CEP192: variants seen among roughly 807,000 people sequenced by gnomAD.
CEP192 encodes the protein centrosomal protein of 192 kDa.
Under a neutral mutation model 271.8 loss-of-function variants are expected in CEP192, and 151 were observed. That is an observed-to-expected ratio of 0.56 (90% CI 0.49 to 0.64). The LOEUF (loss-of-function observed/expected upper bound fraction) is 0.64, where lower values mean the gene tolerates loss of function less well. Ranked by LOEUF, CEP192 falls within the 30% of genes least tolerant of loss-of-function variation. CEP192 has a pLI of 0.00. For missense variants in CEP192, 2,910 were observed against 3,020.5 expected (o/e 0.96, Z 0.86); for synonymous variants, 995 against 1,076.5 (o/e 0.92, Z 1.48).
intron 32 of CEP192, among the ~76,000 whole-genome samples, chr18:13,087,940 C>T (rs371726140): frequency 3.9e-5 from 6 of 152,088 alleles, no homozygotes; most frequent in African/African-American, 1.4e-4. Flanking sequence ...GGACCATTTC[C>T]GTAATGTACT....
In CEP192 at chr18:13,099,509, C is replaced by G; in HGVS notation, c.6591C>G (p.Ser2197=). Residue 2197 remains serine (S), a synonymous_variant, in exon 37 of 45, where the codon TCC becomes TCG. Transcript: ENST00000506447. ...SKLQILVSPN[S]SLSTKQSMFP... ...TACAAATTCTTGTGAGTCCTAATTC[C>G]TCCTTATCCACAAAACAGTCAATGT... 6.3e-7 allele frequency: 1 copy of G among 1,599,320 alleles called. No individual in the cohort carries two copies. Among genetic ancestry groups the G allele is most frequent in the Middle Eastern group, 1.7e-4 (1 of 6,008 alleles).
intron 11 of CEP192, among the ~76,000 whole-genome samples, chr18:13,036,525 A>G (rs1279216059): frequency 1.3e-5 from 2 of 152,262 alleles, no homozygotes; most frequent in Non-Finnish European, 2.9e-5. Flanking sequence ...TCTGGCTGGC[A>G]TACATTTCAC....
Position 13,089,485 on chromosome 18 carries a change from A to G in CEP192, c.6023A>G (p.Lys2008Arg). The change falls in exon 33 of 45, where the codon AAA (lysine) becomes AGA (arginine). Residue 2008 changes from lysine (K) to arginine (R), a missense_variant. Physicochemically the swap from Lys to Arg is conservative, Grantham distance 26 (BLOSUM62 2). Transcript: ENST00000506447. ...CTGTTACATAAACCAGAGATGATAA[A>G]ACAGATACTTCCAGAACATAGTGTG... ...RALLHKPEMI[K>R]QILPEHSVLQ... is the part of the protein sequence containing the mutation. 1 of 1,604,612 alleles carries G rather than the reference A, an allele frequency of 6.2e-7. No homozygotes were observed. The highest frequency in any genetic ancestry group is 8.5e-7 in the Non-Finnish European group (1 of 1,174,774).
chr18:12,996,216 G>A (rs1452415418), intron 1 of CEP192, among the ~76,000 whole-genome samples: 1 of 145,902 alleles, frequency 6.9e-6, no homozygotes, highest in Non-Finnish European at 1.5e-5. Context: ...AGGGTTGGGG[G>A]GTAGGTTGGG....
intron 42 of CEP192, among the ~76,000 whole-genome samples, chr18:13,115,548 A>G (rs2040391032): frequency 6.6e-6 from 1 of 152,046 alleles, no homozygotes; most frequent in Non-Finnish European, 1.5e-5. Context: ...TAGCTGTGGT[A>G]TGACTGATAA....
chr18:13,012,867 T>TA, intron 4 of CEP192, 106 bp from the exon 5 acceptor site: 1 of 633,914 alleles, frequency 1.6e-6, no homozygotes, highest in Admixed American at 3.1e-5. Context: ...AAAGTGCTTT[T>TA]ATTCTATTTC....
Position 13,001,496 on chromosome 18 carries a change from A to G in CEP192, c.204A>G (p.Arg68=). Residue 68 remains arginine (R), a synonymous_variant, in exon 3 of 45, where the codon AGA becomes AGG. Coordinates refer to ENST00000506447, the MANE Select transcript of CEP192 (RefSeq NM_032142.4). ...DIQASYLVEG[R]FSVPSGSSPG... is the part of the protein sequence containing the mutation. ...AGGCATCTTACTTAGTAGAAGGGAG[A>G]TTTTCAGTTCCATCCGGGTCATCTC... is the stretch of plus-strand genomic sequence containing the variant. 6.5e-7 allele frequency: 1 copy of G among 1,550,386 alleles called. No homozygotes were observed. The highest frequency in any genetic ancestry group is 8.7e-7 in the Non-Finnish European group (1 of 1,146,164).
chr18:13,005,039 G>T (rs1267576622), intron 3 of CEP192, among the ~76,000 whole-genome samples: 1 of 152,162 alleles, frequency 6.6e-6, no homozygotes, highest in African/African-American at 2.4e-5. Context: ...CTAGAGGCAA[G>T]AGGGGTAGTA....
At position 13,114,175 on chromosome 18, in the gene CEP192, G is replaced by A; in HGVS notation, c.7213G>A (p.Asp2405Asn). 1 of 1,614,020 alleles carries A rather than the reference G, an allele frequency of 6.2e-7. No individual in the cohort carries two copies. Among genetic ancestry groups the A allele is most frequent in the Non-Finnish European group, 8.5e-7 (1 of 1,179,962 alleles). ...GCCTGAAAACGCATGCCTTTCCACG[G>A]ATTCCCTCATTAAAATAGATCATTT... The part of the protein sequence containing the change: ...NEPENACLST[D>N]SLIKIDHLVK... The change falls in exon 42 of 45, where the codon GAT becomes AAT. Residue 2405 changes from aspartate to asparagine, a missense_variant. Asp to Asn is a conservative substitution (Grantham distance 23). Transcript: ENST00000506447.
intron 4 of CEP192, among the ~76,000 whole-genome samples, chr18:13,011,568 A>G (rs2034363607): frequency 6.6e-6 from 1 of 152,034 alleles, no homozygotes; most frequent in African/African-American, 2.4e-5. Flanking sequence ...TGTCACACCT[A>G]GTGCGTGGTG....
intron 3 of CEP192, among the ~76,000 whole-genome samples, chr18:13,005,809 A>G: frequency 6.6e-6 from 1 of 152,234 alleles, no homozygotes; most frequent in Non-Finnish European, 1.5e-5. Context: ...TGTGTTTCAA[A>G]ATGTCTTTAT....
chr18:13,111,838 A>G (rs914287361), intron 40 of CEP192, among the ~76,000 whole-genome samples: 2 of 152,254 alleles, frequency 1.3e-5, no homozygotes, highest in African/African-American at 2.4e-5. Flanking sequence ...TCCCAAAGAA[A>G]ACATACAAGT....
chr18:13,114,353 C>G (rs2040340184), intron 42 of CEP192, 102 bp downstream of exon 42: 1 of 1,207,052 alleles, frequency 8.3e-7, no homozygotes, highest in South Asian at 1.4e-5. Context: ...ACATGTGTTA[C>G]CAGCACTCCA....
At chr18:13,119,105 C>G (rs948767099) in intron 44 of CEP192, among the ~76,000 whole-genome samples, 1 of 152,118 alleles carries the variant, frequency 6.6e-6, no homozygotes, top group Non-Finnish European at 1.5e-5. Flanking sequence ...GTTGGAACTA[C>G]TAAAATACAT....
At chr18:13,052,171 GT>G (rs539495658) in intron 17 of CEP192, among the ~76,000 whole-genome samples, 66 of 152,284 alleles carry the variant, frequency 4.3e-4, no homozygotes, top group Admixed American at 1.3e-3. Flanking sequence ...AGTAACCCTG[GT>G]GTTTGTGCAG....
intron 5 of CEP192, among the ~76,000 whole-genome samples, chr18:13,014,400 G>A (rs2034528026): frequency 6.7e-6 from 1 of 149,924 alleles, no homozygotes; most frequent in Non-Finnish European, 1.5e-5. Flanking sequence ...CTCATCTGTG[G>A]AGCTATGCCA....
intron 21 of CEP192, among the ~76,000 whole-genome samples, chr18:13,062,342 C>T (rs1004321915): frequency 6.6e-6 from 1 of 152,184 alleles, no homozygotes; most frequent in Non-Finnish European, 1.5e-5. Context: ...AGGCCACATG[C>T]ATAGAAACTG....
At chr18:13,057,807 G>A (rs1020264472) in intron 20 of CEP192, 74 bp downstream of exon 20, 24 of 1,444,628 alleles carry the variant, frequency 1.7e-5, no homozygotes, top group Admixed American at 3.6e-5. Flanking sequence ...CCCATCTCTA[G>A]TGCTAGGTTC....
rs1316077967 is a variant in CEP192, at chr18:13,095,664, T to C, written c.6416T>C (p.Leu2139Pro). Reference sequence around the variant, plus strand: ...ACTGTCCTACCCGAGCACTTGATTCTGGTAGCTCCTTCTCCTTGTGAGTAT... The same window carrying C: ...ACTGTCCTACCCGAGCACTTGATTCCGGTAGCTCCTTCTCCTTGTGAGTAT... ...PWTVLPEHLI[L>P]VAPSPCDMAK... The change falls in exon 35 of 45, where the codon CTG (leucine) becomes CCG (proline). Residue 2139 changes from leucine (L) to proline (P), a missense_variant. Physicochemically the swap from Leu to Pro is moderately conservative, Grantham distance 98. Transcript: ENST00000506447. The C allele has an allele frequency of 1.9e-6, 3 of 1,612,864 alleles. No individual in the cohort carries two copies. Among genetic ancestry groups the C allele is most frequent in the Non-Finnish European group, 2.5e-6 (3 of 1,179,662 alleles).
Sources: gnomAD v4.1 joint callset for allele counts (sites outside exome capture counted in the v4.1 genomes callset) on GRCh38, gnomAD v4.1.1 for gene constraint, MANE v1.5 for transcripts, NCBI Gene and HGNC (gene_info 2026-07-23, HGNC 2026-07-21) for gene names.